DLG4: variants seen among roughly 807,000 people sequenced by gnomAD.
The protein encoded by DLG4 is discs large MAGUK scaffold protein 4, also known as disks large homolog 4.
A neutral mutation model predicts 93.8 loss-of-function variants in DLG4; 7 were observed. The observed-to-expected ratio is 0.07, with a 90% CI of 0.04 to 0.14. The LOEUF (loss-of-function observed/expected upper bound fraction) is 0.14, where lower values mean the gene tolerates loss of function less well. DLG4 is among the 10% of genes least tolerant of loss of function. The pLI, the probability that DLG4 is intolerant of heterozygous loss-of-function variation, is 1.00. For missense variants in DLG4, 545 were observed against 992.9 expected (o/e 0.55, Z 6.06); for synonymous variants, 341 against 387.6 (o/e 0.88, Z 1.41).
At chr17:7,214,044 T>C in intron 1 of DLG4, 1 of 346,732 alleles carries the variant, frequency 2.9e-6, no homozygotes, top group Non-Finnish European at 5.8e-6. Context: ...TTCCCTCCAT[T>C]TTCCGTTTCT....
chr17:7,194,538 C>A lies in DLG4; in HGVS notation c.1302-43G>T. 6.4e-7 allele frequency: 1 copy of A among 1,561,124 alleles called. No individual in the cohort carries two copies. The highest frequency in any genetic ancestry group is 8.7e-7 in the Non-Finnish European group (1 of 1,152,490). On this transcript the variant is annotated intron_variant, in intron 11 of 19. Coordinates refer to ENST00000399506, the MANE Select transcript of DLG4 (RefSeq NM_001321075.3). This position sits in a 1 kb window ranked among gnomAD's most constrained non-coding sequence, Gnocchi z 4.4. ...ATCGGTCAGAGCCCAGCTGAGGACT[C>A]CAGGAAGGATGCCCCAGTCACCCAA...
At chr17:7,218,638 A>T (rs1444283851), upstream of DLG4, 2 of 1,560,120 alleles carry the variant, frequency 1.3e-6, no homozygotes, top group Admixed American at 3.9e-5. Context: ...CTGACCTGGG[A>T]GCTAGTGAGA....
In DLG4 at chr17:7,192,989, G is replaced by A; in HGVS notation, c.1822C>T (p.Leu608Phe). ...FIEAGQYNSH[L>F]YGTSVQSVRE... Reference sequence around the variant, plus strand: ...ACGGACTGGACGCTGGTCCCATAGAGGTGGCTGTTGTACTGGCCGGCCTCA... The same window carrying A: ...ACGGACTGGACGCTGGTCCCATAGAAGTGGCTGTTGTACTGGCCGGCCTCA... The change falls in exon 17 of 20, where the codon CTC becomes TTC. Residue 608 changes from leucine (L) to phenylalanine (F), a missense_variant. By Grantham distance (22) the Leu-to-Phe change is conservative. Transcript: ENST00000399506. 1 of 1,613,740 alleles carries A rather than the reference G, an allele frequency of 6.2e-7. No individual in the cohort carries two copies. The highest frequency in any genetic ancestry group is 8.5e-7 in the Non-Finnish European group (1 of 1,179,746).
intron 2 of DLG4, among the ~76,000 whole-genome samples, chr17:7,206,227 G>T (rs2070457758): frequency 1.3e-5 from 2 of 151,896 alleles, no homozygotes; most frequent in Non-Finnish European, 2.9e-5. Flanking sequence ...GTAGCTACAG[G>T]CACATGCCAC....
intron 2 of DLG4, 191 bp downstream of exon 2, chr17:7,207,983 C>T (rs1597484260): frequency 1.8e-6 from 2 of 1,083,858 alleles, no homozygotes; most frequent in South Asian, 9.4e-5. Context: ...CCCCTCCCCA[C>T]GGCTCTCTCT....
At chr17:7,216,336 G>A (rs1037572271) in intron 1 of DLG4, among the ~76,000 whole-genome samples, 3 of 151,686 alleles carry the variant, frequency 2.0e-5, no homozygotes, top group East Asian at 1.9e-4. Context: ...CCACCCACCC[G>A]GTCCCCCTCC....
chr17:7,193,260 C>A lies in DLG4; in HGVS notation c.1694-143G>T. 7.8e-7 allele frequency: 1 copy of A among 1,287,554 alleles called. No individual in the cohort carries two copies. The highest frequency in any genetic ancestry group is 1.3e-5 in the South Asian group (1 of 74,118). 79.8% of individuals were successfully genotyped at this position (1,287,554 alleles called of 1,614,324 possible). On this transcript the variant is annotated intron_variant, in intron 16 of 19. Transcript: ENST00000399506. The surrounding 1 kb of genome is among the most constrained non-coding windows in gnomAD (Gnocchi z 6.7). ...CCAGGGAGACCAAGACTGCAGAGGGCCAGAACCGCTTCCCCTAGCACCCTC... is the reference window on the plus strand; with the variant it reads ...CCAGGGAGACCAAGACTGCAGAGGGACAGAACCGCTTCCCCTAGCACCCTC...
upstream of DLG4, chr17:7,217,805 G>A (rs2071002466): frequency 2.0e-6 from 3 of 1,535,198 alleles, 1 homozygote; most frequent in East Asian, 7.3e-5. Context: ...AGCGATGACA[G>A]CAAAGACGAT....
At position 7,203,536 on chromosome 17, in the gene DLG4, T is replaced by G. The variant is rs1271678882; in HGVS notation, c.393A>C (p.Ser131=). Residue 131 remains serine, a synonymous_variant, in exon 6 of 20, where the codon TCA becomes TCC. Transcript: ENST00000399506. This position sits in a 1 kb window ranked among gnomAD's most constrained non-coding sequence, Gnocchi z 7.2. ...CCTCTTTGAGGGCTTCCACCGCCGC[T>G]GAGTGGGTCACCTCGCGCACGTCCA... ...NEVDVREVTH[S]AAVEALKEAG... The G allele has an allele frequency of 7.7e-5, 125 of 1,613,540 alleles. No individual in the cohort carries two copies. The highest frequency in any genetic ancestry group is 9.7e-5 in the Non-Finnish European group (114 of 1,179,694).
At chr17:7,218,771 G>A (rs1265059475), upstream of DLG4, 20 of 1,604,910 alleles carry the variant, frequency 1.2e-5, no homozygotes, top group East Asian at 6.7e-5. Flanking sequence ...AAGGATCTCC[G>A]AGCCCCAGCC....
chr17:7,217,336 G>A lies in DLG4; in HGVS notation c.-189C>T, dbSNP rs1389848221. 1 of 770,084 alleles carries A rather than the reference G, an allele frequency of 1.3e-6. No individual in the cohort carries two copies. Among genetic ancestry groups the A allele is most frequent in the Non-Finnish European group, 1.8e-6 (1 of 563,152 alleles). 47.7% of individuals were successfully genotyped at this position (770,084 alleles called of 1,614,324 possible). A position where few individuals can be genotyped will look rare whatever the true frequency, so the allele number is the denominator to read the frequency against. ...GAAGGGGAGGGGAGCGTGGGAGGGAGGGGAAGGGGGCCCTAAAAGGGGCTC... is the reference window on the plus strand; with the variant it reads ...GAAGGGGAGGGGAGCGTGGGAGGGAAGGGAAGGGGGCCCTAAAAGGGGCTC... On this transcript the variant is annotated 5_prime_UTR_variant, in exon 1 of 20. Transcript: ENST00000399506.
In DLG4 at chr17:7,190,685, T is replaced by G; in HGVS notation, c.*23A>C. On this transcript the variant is annotated 3_prime_UTR_variant, in exon 20 of 20. Transcript: ENST00000399506. The stretch of plus-strand genomic sequence containing the variant: ...GCCCAGGTGATGGAGGCAGGGCGAG[T>G]CCAGGCCAAGCCAGGGCAGGAATCA... 6.3e-7 allele frequency: 1 copy of G among 1,597,368 alleles called. No individual in the cohort carries two copies. Among genetic ancestry groups the G allele is most frequent in the Non-Finnish European group, 8.6e-7 (1 of 1,165,018 alleles).
At chr17:7,204,884 C>T in intron 2 of DLG4, 1 of 941,066 alleles carries the variant, frequency 1.1e-6, no homozygotes, top group Non-Finnish European at 1.3e-6. Context: ...CCACCCCTTC[C>T]TCTAAGGACC....
At chr17:7,215,754 A>ATGTG (rs1491535718) in intron 1 of DLG4, among the ~76,000 whole-genome samples, 3 of 152,012 alleles carry the variant, frequency 2.0e-5, no homozygotes, top group African/African-American at 7.3e-5. Flanking sequence ...GTGTACACAC[A>ATGTG]TGTGTGAGTT....
At chr17:7,209,179 CCT>C (rs2070613111) in intron 1 of DLG4, among the ~76,000 whole-genome samples, 1 of 152,112 alleles carries the variant, frequency 6.6e-6, no homozygotes, top group Admixed American at 6.5e-5. Context: ...CAACATGACC[CCT>C]GACTCCCTGC....
At position 7,217,306 on chromosome 17, in the gene DLG4, GAA is replaced by G; in HGVS notation, c.-161_-160del. 1 of 536,628 alleles carries G rather than the reference GAA, an allele frequency of 1.9e-6. No individual in the cohort carries two copies. Among genetic ancestry groups the G allele is most frequent in the Non-Finnish European group, 2.5e-6 (1 of 404,826 alleles). 33.2% of individuals were successfully genotyped at this position (536,628 alleles called of 1,614,324 possible). On this transcript the variant is annotated 5_prime_UTR_variant, in exon 1 of 20. Coordinates refer to ENST00000399506, the MANE Select transcript of DLG4 (RefSeq NM_001321075.3). ...GTGAGAGGGGAAGGAGGGGGTTGGA[GAA>G]GGGAAGGGGAGGGGAGCGTGGGAGG...
upstream of DLG4, chr17:7,217,739 A>G (rs730880036): frequency 2.9e-4 from 448 of 1,534,904 alleles, 1 homozygote; most frequent in Non-Finnish European, 1.5e-4. Flanking sequence ...GGGAAAGGAG[A>G]TAGAAGCAGA....
At chr17:7,192,201 A>C in intron 17 of DLG4, 199 bp from the exon 18 acceptor site, 3 of 433,810 alleles carry the variant, frequency 6.9e-6, no homozygotes, top group East Asian at 3.6e-5. Context: ...AGGGAAAGGA[A>C]AGGGAAGATG....
At chr17:7,220,032 G>A, upstream of DLG4, 6 of 1,604,930 alleles carry the variant, frequency 3.7e-6, no homozygotes, top group Non-Finnish European at 5.1e-6. Flanking sequence ...AGCTGCTGAG[G>A]CTCGGGGGCG....
Sources: allele counts gnomAD v4.1 joint callset (sites outside exome capture counted in the v4.1 genomes callset), GRCh38; gene constraint gnomAD v4.1.1; non-coding constraint Gnocchi (gnomAD v3.1); transcripts MANE v1.5; gene names NCBI Gene and HGNC (gene_info 2026-07-23, HGNC 2026-07-21).